The following KNDC1 variants were observed in gnomAD, a reference collection of about 807,000 sequenced individuals.
KNDC1 encodes the protein kinase non-catalytic C-lobe domain containing 1, also known as kinase non-catalytic C-lobe domain-containing protein 1.
Under a neutral mutation model 172.8 loss-of-function variants are expected in KNDC1, and 106 were observed. The observed-to-expected ratio is 0.61, with a 90% CI of 0.52 to 0.72. The LOEUF is 0.72. KNDC1 is among the 30% of genes least tolerant of loss of function. The pLI is 0.00. For synonymous variants in KNDC1, 1,083 were observed against 1,062.2 expected, an observed-to-expected ratio of 1.02 and a Z score of -0.38; for missense variants, 2,325 against 2,394.5, an observed-to-expected ratio of 0.97 and a Z score of 0.61.
chr10:133,215,224 G>A (rs984905496), intron 26 of KNDC1, among the ~76,000 whole-genome samples: 5 of 152,196 alleles, frequency 3.3e-5, no homozygotes, highest in Admixed American at 6.5e-5. Flanking sequence ...CATCACTGCC[G>A]TCCCTGCTGC....
chr10:133,201,086 C>T (rs1286676866), intron 16 of KNDC1, among the ~76,000 whole-genome samples: 1 of 152,232 alleles, frequency 6.6e-6, no homozygotes, highest in Non-Finnish European at 1.5e-5. Flanking sequence ...GGCAGGAAAG[C>T]CCTGCACAGG....
At chr10:133,187,491 G>A (rs1003599177) in intron 6 of KNDC1, among the ~76,000 whole-genome samples, 1 of 152,260 alleles carries the variant, frequency 6.6e-6, no homozygotes, top group Non-Finnish European at 1.5e-5. Context: ...GCCAGGCAGC[G>A]CCTGGCCCGG....
chr10:133,200,352 C>T, intron 15 of KNDC1, 23 bp from the exon 16 acceptor site: 9 of 1,559,836 alleles, frequency 5.8e-6, no homozygotes, highest in Non-Finnish European at 6.9e-6. Flanking sequence ...GAGGTGGGGA[C>T]TGACCTGCAT....
rs145846841 is a variant in KNDC1 at position 133,201,637 on chromosome 10, C to T, written c.3126C>T (p.Ala1042=). The change falls in exon 17 of 30, where the codon GCC becomes GCT. Residue 1042 remains alanine, a synonymous_variant. Transcript: ENST00000304613. The part of the protein sequence containing the change: ...VGFRPQRSVK[A]ERAQQPEAGE... ...TTCGGCCTCAGAGGTCCGTAAAAGCCGAGAGAGCGCAGCAGCCTGAGGCTG... is the reference window on the plus strand; with the variant it reads ...TTCGGCCTCAGAGGTCCGTAAAAGCTGAGAGAGCGCAGCAGCCTGAGGCTG... 165 of 1,613,044 alleles carry T rather than the reference C, an allele frequency of 1.0e-4. No homozygotes were observed. In the African/African-American group the frequency reaches 1.7e-3, roughly 16 times the overall value.
intron 16 of KNDC1, among the ~76,000 whole-genome samples, chr10:133,200,965 GTC>G (rs1854346728): frequency 6.6e-6 from 1 of 152,196 alleles, no homozygotes; most frequent in African/African-American, 2.4e-5. Flanking sequence ...GGGGGTGGTG[GTC>G]ACCCTCAGGC....
chr10:133,196,351 C>A (rs540640298), intron 10 of KNDC1, among the ~76,000 whole-genome samples: 1 of 152,178 alleles, frequency 6.6e-6, no homozygotes, highest in Admixed American at 6.5e-5. Context: ...TGGGGACCAG[C>A]GGGTGGACCA....
Position 133,207,211 on chromosome 10 carries a change from C to T in KNDC1, c.3654C>T (p.Cys1218=), listed in dbSNP as rs530407027. Residue 1218 remains cysteine (C), a synonymous_variant, in exon 20 of 30, where the codon TGC becomes TGT. Transcript: ENST00000304613. ...TCGTGAACATCGCGGCCGCACCCTG[C>T]GACACGCTGGACTTCAGCCCCCTGG... The part of the protein sequence containing the change: ...PVIVNIAAAP[C]DTLDFSPLDE... 6.9e-5 allele frequency: 112 copies of T among 1,612,102 alleles called. No homozygotes were observed. Among genetic ancestry groups the T allele is most frequent in the Middle Eastern group, 5.0e-4 (3 of 6,054 alleles).
intron 9 of KNDC1, among the ~76,000 whole-genome samples, chr10:133,193,937 GAATT>G (rs1457754450): frequency 3.3e-5 from 5 of 152,226 alleles, no homozygotes. Context: ...AAAACTGATA[GAATT>G]AATAGAGACA....
intron 3 of KNDC1, among the ~76,000 whole-genome samples, chr10:133,169,288 C>G (rs184712119): frequency 6.6e-5 from 10 of 152,090 alleles, no homozygotes; most frequent in African/African-American, 2.4e-4. Flanking sequence ...TGGCGAACCC[C>G]GTCTCTACTA....
Position 133,199,588 on chromosome 10 carries a change from G to A in KNDC1, c.2889G>A (p.Ala963=), listed in dbSNP as rs141484172. 2.5e-4 allele frequency: 400 copies of A among 1,613,416 alleles called. No homozygotes were observed. Among genetic ancestry groups the A allele is most frequent in the African/African-American group, 3.7e-4 (28 of 75,032 alleles). Residue 963 remains alanine, a synonymous_variant, in exon 15 of 30, where the codon GCG becomes GCA. Coordinates refer to ENST00000304613, the MANE Select transcript of KNDC1 (RefSeq NM_152643.8). The part of the protein sequence containing the change: ...QNLFKVVNGQ[A]SPSPSTAEEA... ...TCTTTAAGGTGGTCAACGGGCAGGC[G>A]TCACCCTCCCCAAGGTGGGTGCCCA...
rs915858816 is a variant in KNDC1 at position 133,160,498 on chromosome 10, C to T, written c.31C>T (p.Leu11Phe). 5.3e-5 allele frequency: 84 copies of T among 1,589,514 alleles called. No homozygotes were observed. Among genetic ancestry groups the T allele is most frequent in the Non-Finnish European group, 6.9e-5 (81 of 1,169,872 alleles). ...GGCCATGGACCCGGCCGCGGCGGAT[C>T]TTTACGAGGAGGACGGCAAAGACCT... is the stretch of plus-strand genomic sequence containing the variant. MQAMDPAAAD[L>F]YEEDGKDLDF... The change falls in exon 1 of 30, where the codon CTT becomes TTT. Residue 11 changes from leucine to phenylalanine, a missense_variant. Coordinates refer to ENST00000304613, the MANE Select transcript of KNDC1 (RefSeq NM_152643.8).
intron 15 of KNDC1, 92 bp from the exon 16 acceptor site, chr10:133,200,283 T>C: frequency 1.1e-6 from 1 of 949,626 alleles, no homozygotes; most frequent in African/African-American, 1.8e-5. Flanking sequence ...GAGCTCCGCA[T>C]AGACGTGTGG....
chr10:133,168,760 A>G (rs916044811), intron 3 of KNDC1, among the ~76,000 whole-genome samples: 29 of 152,230 alleles, frequency 1.9e-4, no homozygotes, highest in Non-Finnish European at 3.7e-4. Flanking sequence ...CTCCAGACAC[A>G]AGGCCTCCAG....
At chr10:133,190,350 A>G (rs1854044847) in intron 9 of KNDC1, among the ~76,000 whole-genome samples, 1 of 146,854 alleles carries the variant, frequency 6.8e-6, no homozygotes, top group African/African-American at 2.5e-5. Flanking sequence ...ACCCTGCACT[A>G]AGCACCCTGC....
Position 133,188,524 on chromosome 10 carries a change from C to T in KNDC1, c.1327-15C>T. ...AGGGGTGTCCACACTGACCTCGCCG[C>T]TCTCCTGCCCACAGTGGGTGTCCCT... On this transcript the variant is annotated splice_polypyrimidine_tract_variant and intron_variant, in intron 6 of 29. Coordinates refer to ENST00000304613, the MANE Select transcript of KNDC1 (RefSeq NM_152643.8). 1 of 1,524,136 alleles carries T rather than the reference C, an allele frequency of 6.6e-7. No homozygotes were observed. The highest frequency in any genetic ancestry group is 8.9e-7 in the Non-Finnish European group (1 of 1,124,204). The allele number at this position is 1,524,136 out of a possible 1,614,324, so 94.4% of individuals were successfully genotyped here.
Position 133,160,437 on chromosome 10 carries a change from C to G in KNDC1, c.-31C>G. ...GAGCCCAGCCCAGCCCAGCCGGAGG[C>G]CCCGGGGGCGGTGCGCGGCGCGGCC... On this transcript the variant is annotated 5_prime_UTR_variant, in exon 1 of 30. Coordinates refer to ENST00000304613, the MANE Select transcript of KNDC1 (RefSeq NM_152643.8). The G allele has an allele frequency of 1.4e-6, 2 of 1,446,782 alleles. No homozygotes were observed. The highest frequency in any genetic ancestry group is 1.8e-6 in the Non-Finnish European group (2 of 1,084,678). 89.6% of individuals were successfully genotyped at this position (1,446,782 alleles called of 1,614,324 possible).
chr10:133,205,308 C>CA lies in KNDC1; in HGVS notation c.3388-1376dup, dbSNP rs569581184. ...TCCCGTCCAGGGAGGCGCTCAGCCC[C>CA]AGCTGCTGTCTGTGCATGAAGCAGT... On this transcript the variant is annotated intron_variant, in intron 17 of 29. Transcript: ENST00000304613. Among the ~76,000 whole-genome samples the CA allele has an allele frequency of 7.2e-5, 11 of 152,320 alleles. No homozygotes were observed. The South Asian group carries it at 2.3e-3, about 32-fold the overall frequency.
Position 133,163,924 on chromosome 10 carries a change from G to A in KNDC1, c.102+3355G>A, listed in dbSNP as rs1010321329. ...CACCTGGGATGGGGGTGGAGTTCGT[G>A]GCCACCTGCCTTCCCAAATCCCTCC... On this transcript the variant is annotated intron_variant, in intron 1 of 29. Coordinates refer to ENST00000304613, the MANE Select transcript of KNDC1 (RefSeq NM_152643.8). This position sits in a 1 kb window ranked among gnomAD's most constrained non-coding sequence, Gnocchi z 4.4. Among the ~76,000 whole-genome samples, 1 of 133,656 alleles carries A rather than the reference G, an allele frequency of 7.5e-6. No individual in the cohort carries two copies. Among genetic ancestry groups the A allele is most frequent in the Non-Finnish European group, 1.7e-5 (1 of 60,202 alleles). 87.7% of individuals were successfully genotyped at this position (133,656 alleles called of 152,430 possible).
In KNDC1 at chr10:133,180,281, C is replaced by T. The variant is rs1035693646; in HGVS notation, c.361-3063C>T. Reference sequence around the variant, plus strand: ...CAGAAGCTTCCAGAAGGCAGAAATGCTGAGCTCCCTGCATCGGTGCAAGGC... The same window carrying T: ...CAGAAGCTTCCAGAAGGCAGAAATGTTGAGCTCCCTGCATCGGTGCAAGGC... On this transcript the variant is annotated intron_variant, in intron 3 of 29. Transcript: ENST00000304613. 7.2e-5 allele frequency among the ~76,000 whole-genome samples: 11 copies of T among 152,372 alleles called. No homozygotes were observed. The South Asian group carries it at 2.3e-3, about 32-fold the overall frequency.
Sources: allele counts gnomAD v4.1 joint callset (sites outside exome capture counted in the v4.1 genomes callset), GRCh38; gene constraint gnomAD v4.1.1; non-coding constraint Gnocchi (gnomAD v3.1); transcripts MANE v1.5; gene names NCBI Gene and HGNC (gene_info 2026-07-23, HGNC 2026-07-21).